TXNDC16: variants seen among roughly 807,000 people sequenced by gnomAD.
TXNDC16 encodes the protein thioredoxin domain-containing protein 16.
In TXNDC16, 74 loss-of-function variants were observed where a neutral mutation model predicts 85.6. That is an observed-to-expected ratio of 0.86 (90% CI 0.72 to 1.05). The LOEUF (loss-of-function observed/expected upper bound fraction) is 1.05, where lower values mean the gene tolerates loss of function less well. TXNDC16 is among the 50% of genes least tolerant of loss of function. The probability of loss-of-function intolerance (pLI) is 0.00; values close to 1 mark genes in which losing one functional copy is unlikely to be tolerated. For synonymous variants in TXNDC16, 335 were observed against 326.5 expected, an observed-to-expected ratio of 1.03 and a Z score of -0.28; for missense variants, 959 against 947.0, an observed-to-expected ratio of 1.01 and a Z score of -0.17.
At chr14:52,485,462 T>G (rs531532296) in intron 12 of TXNDC16, among the ~76,000 whole-genome samples, 2 of 152,300 alleles carry the variant, frequency 1.3e-5, no homozygotes, top group South Asian at 2.1e-4. Flanking sequence ...TAGTACAGCC[T>G]AAGTGTACAG....
intron 20 of TXNDC16, among the ~76,000 whole-genome samples, chr14:52,433,809 T>C (rs577376560): frequency 7.2e-5 from 11 of 152,346 alleles, no homozygotes; most frequent in Admixed American, 7.2e-4. Context: ...ACATATTTTC[T>C]TGAACATAAT....
At chr14:52,467,980 TG>T (rs1178744790) in intron 16 of TXNDC16, among the ~76,000 whole-genome samples, 1 of 152,126 alleles carries the variant, frequency 6.6e-6, no homozygotes, top group African/African-American at 2.4e-5. Context: ...TTATGCTAAG[TG>T]AAATAAGTCA....
chr14:52,469,907 T>A (rs2035863527), intron 16 of TXNDC16, 130 bp downstream of exon 16: 1 of 881,044 alleles, frequency 1.1e-6, no homozygotes, highest in African/African-American at 1.7e-5. Flanking sequence ...TAGCTTACGA[T>A]ATTTTATTTT....
chr14:52,506,961 T>C (rs111897224), intron 9 of TXNDC16, among the ~76,000 whole-genome samples: 1 of 151,910 alleles, frequency 6.6e-6, no homozygotes, highest in African/African-American at 2.4e-5. Context: ...AATATCATAC[T>C]GAATGGGCAA....
intron 9 of TXNDC16, among the ~76,000 whole-genome samples, chr14:52,503,519 GT>G (rs2036713561): frequency 6.6e-6 from 1 of 152,192 alleles, no homozygotes; most frequent in Non-Finnish European, 1.5e-5. Context: ...GGTCCTGACT[GT>G]TAGAAGGAAA....
intron 20 of TXNDC16, among the ~76,000 whole-genome samples, 176 bp from the exon 21 acceptor site, chr14:52,432,763 T>C (rs552454901): frequency 1.3e-5 from 2 of 152,316 alleles, no homozygotes; most frequent in East Asian, 3.9e-4. Context: ...AGAAATTTGA[T>C]ACATTTGTCA....
At chr14:52,489,290 T>C (rs979529462) in intron 11 of TXNDC16, among the ~76,000 whole-genome samples, 12 of 152,218 alleles carry the variant, frequency 7.9e-5, no homozygotes, top group African/African-American at 2.9e-4. Context: ...CCAAATTCTA[T>C]TGAGATCGAT....
intron 17 of TXNDC16, among the ~76,000 whole-genome samples, 191 bp from the exon 18 acceptor site, chr14:52,455,653 A>G (rs753630770): frequency 6.6e-6 from 1 of 152,172 alleles, no homozygotes. Context: ...ACAGGTAATG[A>G]TCTATAACAA....
chr14:52,490,105 G>A (rs1466257809), intron 11 of TXNDC16, among the ~76,000 whole-genome samples: 1 of 152,074 alleles, frequency 6.6e-6, no homozygotes, highest in Non-Finnish European at 1.5e-5. Flanking sequence ...CTAGATTACA[G>A]GCACGAGCCA....
In TXNDC16 at chr14:52,440,625, C is replaced by T. The variant is rs1238794041; in HGVS notation, c.1942G>A (p.Ala648Thr). Residue 648 changes from alanine (A) to threonine (T), a missense_variant, in exon 19 of 21, where the codon GCA becomes ACA. Transcript: ENST00000281741. Reference sequence around the variant, plus strand: ...TTCTGCTTTACCAGTGTCAATATTGCTTTTTTATACTGAGGATTTACAGTG... The same window carrying T: ...TTCTGCTTTACCAGTGTCAATATTGTTTTTTTATACTGAGGATTTACAGTG... ...DGTVNPQYKK[A>T]ILTLVKQKYL... The T allele has an allele frequency of 7.5e-6, 12 of 1,609,412 alleles. No homozygotes were observed. Among genetic ancestry groups the T allele is most frequent in the African/African-American group, 1.3e-5 (1 of 74,704 alleles).
chr14:52,516,081 T>C (rs2037076736), intron 7 of TXNDC16, among the ~76,000 whole-genome samples: 1 of 152,168 alleles, frequency 6.6e-6, no homozygotes, highest in African/African-American at 2.4e-5. Context: ...CAAATCAATC[T>C]TCTTGTAAAC....
intron 1 of TXNDC16, among the ~76,000 whole-genome samples, chr14:52,548,821 G>A (rs1028939849): frequency 6.6e-6 from 1 of 152,090 alleles, no homozygotes; most frequent in Non-Finnish European, 1.5e-5. Context: ...GGCAGAGGTT[G>A]CAGTGAGCCG....
At chr14:52,547,882 T>C (rs2037971906) in intron 1 of TXNDC16, among the ~76,000 whole-genome samples, 1 of 152,240 alleles carries the variant, frequency 6.6e-6, no homozygotes, top group Non-Finnish European at 1.5e-5. Context: ...AAAGCATTTG[T>C]TGACGAGAGA....
At chr14:52,507,644 T>C (rs1289227352) in intron 9 of TXNDC16, among the ~76,000 whole-genome samples, 7 of 152,170 alleles carry the variant, frequency 4.6e-5, no homozygotes, top group Admixed American at 6.6e-5. Flanking sequence ...GGAGGCATCA[T>C]GCTACCTGAC....
intron 9 of TXNDC16, among the ~76,000 whole-genome samples, chr14:52,505,056 A>C (rs1445869487): frequency 2.0e-5 from 3 of 152,158 alleles, no homozygotes; most frequent in African/African-American, 4.8e-5. Flanking sequence ...TATAGGAGTA[A>C]CCAGATTCAT....
chr14:52,452,498 G>A (rs750704875), intron 18 of TXNDC16, among the ~76,000 whole-genome samples: 19 of 152,076 alleles, frequency 1.2e-4, no homozygotes, highest in Non-Finnish European at 2.5e-4. Flanking sequence ...TAGACCAATG[G>A]AACAGAATAC....
At chr14:52,537,759 A>G in intron 4 of TXNDC16, 87 bp from the exon 5 acceptor site, 1 of 770,640 alleles carries the variant, frequency 1.3e-6, no homozygotes, top group Non-Finnish European at 2.2e-6. Context: ...ATTAAATATT[A>G]CAGTTTGTTG....
chr14:52,437,782 A>C (rs1209904242), intron 20 of TXNDC16, among the ~76,000 whole-genome samples: 1 of 152,236 alleles, frequency 6.6e-6, no homozygotes, highest in East Asian at 1.9e-4. Context: ...TCTGAAAAGA[A>C]GACATTCAAA....
At chr14:52,490,206 G>A (rs1308218006) in intron 11 of TXNDC16, among the ~76,000 whole-genome samples, 185 bp downstream of exon 11, 1 of 152,054 alleles carries the variant, frequency 6.6e-6, no homozygotes, top group African/African-American at 2.4e-5. Flanking sequence ...ATATACATAC[G>A]TGAACATAGG....
Sources: allele counts gnomAD v4.1 joint callset (sites outside exome capture counted in the v4.1 genomes callset), GRCh38; gene constraint gnomAD v4.1.1; transcripts MANE v1.5; gene names NCBI Gene and HGNC (gene_info 2026-07-23, HGNC 2026-07-21).